The following DGKB variants were observed in gnomAD, a reference collection of about 807,000 sequenced individuals.
The protein encoded by DGKB is diacylglycerol kinase beta.
DGKB carries 67 observed loss-of-function variants against 114.3 expected under a neutral mutation model. The observed-to-expected ratio is 0.59, with a 90% CI of 0.48 to 0.72. The LOEUF is 0.72. Among genes scored for constraint, DGKB ranks in the 30% least tolerant of loss-of-function variants. The pLI, the probability that DGKB is intolerant of heterozygous loss-of-function variation, is 0.00. For synonymous variants in DGKB, 398 were observed against 323.1 expected (o/e 1.23, Z -2.49); for missense variants, 907 against 975.2 (o/e 0.93, Z 0.93).
In DGKB at chr7:14,887,893, G is replaced by A. The variant is rs192405668; in HGVS notation, c.-188+14699C>T. On this transcript the variant is annotated intron_variant, in intron 1 of 25. Transcript: ENST00000402815. ...GCTCAAAATATATTTGTGAAATTAC[G>A]TCACAGATAATATCAATCACTGTCG... Among the ~76,000 whole-genome samples, 168 of 151,786 alleles carry A rather than the reference G, an allele frequency of 1.1e-3. 1 individual carries two copies. Among genetic ancestry groups the A allele is most frequent in the African/African-American group, 3.9e-3 (161 of 41,476 alleles).
intron 6 of DGKB, among the ~76,000 whole-genome samples, chr7:14,716,809 G>A (rs1195726259): frequency 6.6e-6 from 1 of 152,098 alleles, no homozygotes; most frequent in Non-Finnish European, 1.5e-5. Flanking sequence ...GCCAGGGTAA[G>A]AATCACCAGA....
chr7:14,767,368 C>G (rs1836618605), intron 2 of DGKB, among the ~76,000 whole-genome samples: 1 of 151,732 alleles, frequency 6.6e-6, no homozygotes, highest in Non-Finnish European at 1.5e-5. Context: ...TTACCATTCA[C>G]TATTTGTCAT....
At chr7:14,356,859 C>T (rs1285907973) in intron 21 of DGKB, among the ~76,000 whole-genome samples, 1 of 152,162 alleles carries the variant, frequency 6.6e-6, no homozygotes, top group Admixed American at 6.5e-5. Flanking sequence ...ATTATTTACC[C>T]AGTAGCCATT....
intron 6 of DGKB, among the ~76,000 whole-genome samples, chr7:14,716,637 C>T (rs971043781): frequency 6.6e-6 from 1 of 151,982 alleles, no homozygotes; most frequent in Admixed American, 6.6e-5. Flanking sequence ...ATGTTAGTAA[C>T]TTTTACATAT....
intron 20 of DGKB, among the ~76,000 whole-genome samples, chr7:14,557,739 A>G (rs1796077219): frequency 6.6e-6 from 1 of 151,924 alleles, no homozygotes; most frequent in African/African-American, 2.4e-5. Flanking sequence ...AAAAATTTAA[A>G]TGATGCTTAT....
intron 8 of DGKB, among the ~76,000 whole-genome samples, chr7:14,696,221 C>T (rs112211737): frequency 7.9e-5 from 12 of 152,134 alleles, no homozygotes; most frequent in East Asian, 5.8e-4. Context: ...AGGCCGGGCG[C>T]GGTGGCTCAC....
chr7:14,637,770 T>C (rs1386585315), intron 13 of DGKB, among the ~76,000 whole-genome samples: 1 of 151,828 alleles, frequency 6.6e-6, no homozygotes, highest in African/African-American at 2.4e-5. Context: ...CTCACAAAGG[T>C]TTGCTTTATT....
chr7:14,302,594 A>C (rs2128490725), intron 23 of DGKB, among the ~76,000 whole-genome samples: 1 of 152,196 alleles, frequency 6.6e-6, no homozygotes, highest in Middle Eastern at 3.4e-3. Context: ...TGCCCATTTT[A>C]GTCTTTGGAC....
intron 15 of DGKB, among the ~76,000 whole-genome samples, chr7:14,618,795 G>C (rs1245924581): frequency 6.6e-6 from 1 of 151,408 alleles, no homozygotes; most frequent in Non-Finnish European, 1.5e-5. Context: ...GCTTAACTAT[G>C]ATTAATAGTC....
At chr7:14,775,310 G>A (rs536704938) in intron 2 of DGKB, among the ~76,000 whole-genome samples, 1 of 151,518 alleles carries the variant, frequency 6.6e-6, no homozygotes, top group African/African-American at 2.4e-5. Flanking sequence ...CTCTTATTTT[G>A]AGCATTTAAA....
intron 23 of DGKB, among the ~76,000 whole-genome samples, chr7:14,318,301 T>G (rs1236878298): frequency 6.8e-6 from 1 of 147,944 alleles, no homozygotes; most frequent in Non-Finnish European, 1.5e-5. Context: ...CTAATTAAAC[T>G]AAAGAGCTTC....
At chr7:14,744,480 T>C (rs1036949991) in intron 4 of DGKB, among the ~76,000 whole-genome samples, 2 of 152,126 alleles carry the variant, frequency 1.3e-5, no homozygotes, top group African/African-American at 4.8e-5. Flanking sequence ...TGTCACTTTC[T>C]AATGGGCCCA....
At chr7:14,848,863 G>C (rs1379970240) in intron 1 of DGKB, among the ~76,000 whole-genome samples, 1 of 152,014 alleles carries the variant, frequency 6.6e-6, no homozygotes. Flanking sequence ...TCTGCACTGT[G>C]GTCTGAGGCT....
In DGKB at chr7:14,146,377, T is replaced by C. The variant is rs1286270970; in HGVS notation, c.*2754A>G. ...CTCTTTGTTTCTGACTGCTGTTAAG[T>C]CCAGCATTAATTTACATTTAAGAGT... On this transcript the variant is annotated 3_prime_UTR_variant, in exon 26 of 26. Coordinates refer to ENST00000402815, the MANE Select transcript of DGKB (RefSeq NM_001350709.2). The C allele has an allele frequency of 6.6e-6, 1 of 152,156 alleles. No individual in the cohort carries two copies. Among genetic ancestry groups the C allele is most frequent in the Admixed American group, 6.6e-5 (1 of 15,266 alleles). 9.4% of individuals were successfully genotyped at this position (152,156 alleles called of 1,614,324 possible).
intron 2 of DGKB, among the ~76,000 whole-genome samples, chr7:14,772,122 T>C (rs1221957362): frequency 6.6e-6 from 1 of 152,160 alleles, no homozygotes; most frequent in Non-Finnish European, 1.5e-5. Flanking sequence ...GATTGATGTC[T>C]CATGCCTCCC....
chr7:14,928,694 T>C (rs1784861502), intron 1 of DGKB, among the ~76,000 whole-genome samples: 1 of 151,920 alleles, frequency 6.6e-6, no homozygotes, highest in Admixed American at 6.6e-5. Context: ...TGCATAAATT[T>C]ATGGGGGACA....
At chr7:14,496,863 A>G (rs1389535966) in intron 20 of DGKB, among the ~76,000 whole-genome samples, 1 of 151,858 alleles carries the variant, frequency 6.6e-6, no homozygotes, top group Non-Finnish European at 1.5e-5. Flanking sequence ...TAAGGTATCC[A>G]AAGTCACTAC....
rs757022056 is a variant in DGKB at position 14,841,367 on chromosome 7, A to G, written c.-104T>C. The G allele has an allele frequency of 1.1e-6, 1 of 936,594 alleles. No individual in the cohort carries two copies. Among genetic ancestry groups the G allele is most frequent in the Non-Finnish European group, 1.6e-6 (1 of 620,278 alleles). 58.0% of individuals were successfully genotyped at this position (936,594 alleles called of 1,614,324 possible). A position where few individuals can be genotyped will look rare whatever the true frequency, so the allele number is the denominator to read the frequency against. ...GATTCCACATGGCATGTTTCATGAT[A>G]AAATACCTCAGGCTTTCAAAATATG... On this transcript the variant is annotated 5_prime_UTR_variant, in exon 2 of 26. Coordinates refer to ENST00000402815, the MANE Select transcript of DGKB (RefSeq NM_001350709.2).
intron 5 of DGKB, among the ~76,000 whole-genome samples, chr7:14,719,928 T>C (rs1364416365): frequency 6.6e-6 from 1 of 152,190 alleles, no homozygotes; most frequent in Non-Finnish European, 1.5e-5. Flanking sequence ...TTCCCCACTT[T>C]ACAGATTAGG....
Sources: allele counts gnomAD v4.1 joint callset (sites outside exome capture counted in the v4.1 genomes callset), GRCh38; gene constraint gnomAD v4.1.1; transcripts MANE v1.5; gene names NCBI Gene and HGNC (gene_info 2026-07-23, HGNC 2026-07-21).